CSMD1: variants seen among roughly 807,000 people sequenced by gnomAD.
CSMD1 encodes CUB and sushi domain-containing protein 1.
A neutral mutation model predicts 417.5 loss-of-function variants in CSMD1; 213 were observed. The observed-to-expected ratio is 0.51, with a 90% confidence interval of 0.46 to 0.57. The LOEUF (loss-of-function observed/expected upper bound fraction) is 0.57. CSMD1 is among the 20% of genes least tolerant of loss of function. The pLI is 0.00. For synonymous variants in CSMD1, 2,862 were observed against 1,736.8 expected (o/e 1.65, Z -16.11); for missense variants, 6,923 against 4,529.7 (o/e 1.53, Z -15.17).
intron 8 of CSMD1, among the ~76,000 whole-genome samples, chr8:3,597,901 G>A (rs1015022228): frequency 2.6e-5 from 4 of 152,026 alleles, no homozygotes; most frequent in African/African-American, 4.8e-5. Flanking sequence ...TGAGTTGATG[G>A]GTGCAGCAAA....
intron 2 of CSMD1, among the ~76,000 whole-genome samples, chr8:4,598,872 G>A (rs932757192): frequency 1.3e-5 from 2 of 151,964 alleles, no homozygotes; most frequent in African/African-American, 4.8e-5. Flanking sequence ...TACTTTTGTA[G>A]AAGAAAAAAA....
chr8:3,704,139 C>G (rs751486017), intron 7 of CSMD1, among the ~76,000 whole-genome samples: 34 of 152,054 alleles, frequency 2.2e-4, no homozygotes, highest in African/African-American at 9.7e-5. Flanking sequence ...ATCACTGTGG[C>G]AGAAGAAAAA....
chr8:4,633,869 G>A (rs1426553377), intron 2 of CSMD1, among the ~76,000 whole-genome samples: 1 of 151,934 alleles, frequency 6.6e-6, no homozygotes. Flanking sequence ...CCCAAGACAT[G>A]TTAAAAAATA....
At chr8:2,952,581 T>A (rs1802709259) in intron 65 of CSMD1, among the ~76,000 whole-genome samples, 1 of 152,206 alleles carries the variant, frequency 6.6e-6, no homozygotes, top group Non-Finnish European at 1.5e-5. Context: ...TTTAGACACA[T>A]CTGCTTAGCC....
chr8:4,452,945 C>T (rs190266482), intron 2 of CSMD1, among the ~76,000 whole-genome samples: 10 of 152,082 alleles, frequency 6.6e-5, no homozygotes, highest in African/African-American at 9.7e-5. Context: ...AGTTAAATAG[C>T]GTTGATTTTT....
intron 3 of CSMD1, among the ~76,000 whole-genome samples, chr8:4,116,338 A>C (rs562691967): frequency 1.6e-4 from 25 of 152,168 alleles, no homozygotes; most frequent in Non-Finnish European, 3.1e-4. Flanking sequence ...GTATGATACT[A>C]TAAGGGTGGA....
rs944867338 is a variant in CSMD1, at chr8:2,976,430, G to C, written c.8567-1806C>G. ...CAGCCTGGAGTGCAGTGGTGCAATC[G>C]TAACTCCTGGACTCAAGTGATCCTG... On this transcript the variant is annotated intron_variant, in intron 55 of 69. Transcript: ENST00000635120. 2.6e-5 allele frequency among the ~76,000 whole-genome samples: 4 copies of C among 152,070 alleles called. No homozygotes were observed. The East Asian group carries it at 7.7e-4, about 29-fold the overall frequency.
In CSMD1 at chr8:4,917,506, T is replaced by A. The variant is rs189057307; in HGVS notation, c.85+76826A>T. On this transcript the variant is annotated intron_variant, in intron 1 of 69. Coordinates refer to ENST00000635120, the MANE Select transcript of CSMD1 (RefSeq NM_033225.6). ...AAAATTAGCCGGGCATGGTGGCGGGTGCCTGTACTCCCAGCTACTCGGGAA... is the reference window on the plus strand; with the variant it reads ...AAAATTAGCCGGGCATGGTGGCGGGAGCCTGTACTCCCAGCTACTCGGGAA... 2.6e-5 allele frequency among the ~76,000 whole-genome samples: 4 copies of A among 152,132 alleles called. No homozygotes were observed. The South Asian group carries it at 8.3e-4, about 32-fold the overall frequency.
chr8:4,123,082 C>A (rs144136816), intron 3 of CSMD1, among the ~76,000 whole-genome samples: 1 of 152,078 alleles, frequency 6.6e-6, no homozygotes, highest in Non-Finnish European at 1.5e-5. Context: ...TTTCATAATG[C>A]CAGTGAGATT....
intron 3 of CSMD1, among the ~76,000 whole-genome samples, chr8:4,316,944 A>G (rs1798971169): frequency 6.7e-6 from 1 of 150,146 alleles, no homozygotes; most frequent in Non-Finnish European, 1.5e-5. Flanking sequence ...AATATGCCAC[A>G]TGTCAGATTC....
intron 41 of CSMD1, chr8:3,127,779 A>C (rs1817584224): frequency 6.6e-6 from 1 of 151,970 alleles, no homozygotes; most frequent in Non-Finnish European, 1.5e-5. Flanking sequence ...TTCCCAAAAA[A>C]GTTTATGCAT....
chr8:4,457,528 A>G (rs552860380), intron 2 of CSMD1, among the ~76,000 whole-genome samples: 1 of 152,192 alleles, frequency 6.6e-6, no homozygotes, highest in Non-Finnish European at 1.5e-5. Flanking sequence ...CATGTAATTA[A>G]GAAAATTTCA....
intron 7 of CSMD1, among the ~76,000 whole-genome samples, chr8:3,618,490 A>G (rs1802256140): frequency 6.6e-6 from 1 of 152,062 alleles, no homozygotes; most frequent in African/African-American, 2.4e-5. Flanking sequence ...AATAACATCT[A>G]AACATTATTT....
chr8:3,360,394 C>CCATTATCT (rs1809081578), intron 20 of CSMD1, among the ~76,000 whole-genome samples: 1 of 152,232 alleles, frequency 6.6e-6, no homozygotes, highest in Admixed American at 6.5e-5. Context: ...TGAGCTCTGG[C>CCATTATCT]TGTCACCAGC....
At chr8:3,862,281 C>T (rs556741483) in intron 5 of CSMD1, among the ~76,000 whole-genome samples, 61 of 152,300 alleles carry the variant, frequency 4.0e-4, no homozygotes, top group Admixed American at 7.2e-4. Context: ...TTACCATTAC[C>T]TCTTAGAACG....
At chr8:3,896,825 G>C (rs1487125096) in intron 5 of CSMD1, among the ~76,000 whole-genome samples, 2 of 151,936 alleles carry the variant, frequency 1.3e-5, no homozygotes, top group East Asian at 1.9e-4. Context: ...GTGACATCAA[G>C]TTTGAACCAA....
In CSMD1 at chr8:2,950,354, A is replaced by C; in HGVS notation, c.10202-11T>G. 6.4e-7 allele frequency: 1 copy of C among 1,556,154 alleles called. No homozygotes were observed. Among genetic ancestry groups the C allele is most frequent in the Non-Finnish European group, 8.9e-7 (1 of 1,127,414 alleles). Reference sequence around the variant, plus strand: ...CCTTCTTGTAAATGCCTGTGAAAAGATCAGCAGTTTAGGCTTACCTTGGAG... The same window carrying C: ...CCTTCTTGTAAATGCCTGTGAAAAGCTCAGCAGTTTAGGCTTACCTTGGAG... On this transcript the variant is annotated splice_polypyrimidine_tract_variant and intron_variant, in intron 66 of 69. Coordinates refer to ENST00000635120, the MANE Select transcript of CSMD1 (RefSeq NM_033225.6).
intron 12 of CSMD1, among the ~76,000 whole-genome samples, chr8:3,415,478 C>G (rs529120304): frequency 1.3e-5 from 2 of 152,300 alleles, no homozygotes; most frequent in South Asian, 4.1e-4. Flanking sequence ...TTGGCTCAGC[C>G]TCCTGCATAT....
chr8:4,340,666 C>T (rs1037974901), intron 3 of CSMD1, among the ~76,000 whole-genome samples: 6 of 152,010 alleles, frequency 3.9e-5, no homozygotes, highest in African/African-American at 9.7e-5. Context: ...TTATATTAAC[C>T]TAGAGAGTAG....
Sources: allele counts gnomAD v4.1 joint callset (sites outside exome capture counted in the v4.1 genomes callset), GRCh38; gene constraint gnomAD v4.1.1; transcripts MANE v1.5; gene names NCBI Gene and HGNC (gene_info 2026-07-23, HGNC 2026-07-21).